Variants in PKIA observed in about 807,000 individuals in gnomAD.
PKIA encodes the protein cAMP-dependent protein kinase inhibitor alpha.
Under a neutral mutation model 7.6 loss-of-function variants are expected in PKIA, and 4 were observed. The ratio of observed to expected loss-of-function variants is 0.52; its 90% CI spans 0.26 to 1.20. PKIA has a LOEUF of 1.20. PKIA is among the 50% of genes most tolerant of loss of function. The pLI, the probability that PKIA is intolerant of heterozygous loss-of-function variation, is 0.13. For missense variants in PKIA, 73 were observed against 86.2 expected (o/e 0.85, Z 0.61); for synonymous variants, 21 against 30.7 (o/e 0.68, Z 1.04).
At chr8:78,549,099 C>G (rs1425780784) in intron 1 of PKIA, among the ~76,000 whole-genome samples, 2 of 151,954 alleles carry the variant, frequency 1.3e-5, no homozygotes, top group African/African-American at 2.4e-5. Context: ...TGTTTCCAAA[C>G]AAGAAAGCTG....
intron 2 of PKIA, among the ~76,000 whole-genome samples, chr8:78,597,894 G>C (rs1437120979): frequency 1.3e-5 from 2 of 151,928 alleles, no homozygotes; most frequent in Non-Finnish European, 2.9e-5. Flanking sequence ...ACGAGATCAT[G>C]TCTGTTGCAG....
intron 1 of PKIA, among the ~76,000 whole-genome samples, chr8:78,567,082 G>T (rs1199468847): frequency 6.6e-6 from 1 of 152,028 alleles, no homozygotes; most frequent in African/African-American, 2.4e-5. Flanking sequence ...TTTTTAAATA[G>T]ACTTTATATT....
At chr8:78,540,161 C>CT (rs1563571793) in intron 1 of PKIA, among the ~76,000 whole-genome samples, 1 of 151,150 alleles carries the variant, frequency 6.6e-6, no homozygotes, top group Non-Finnish European at 1.5e-5. Flanking sequence ...AAGGGTGTAA[C>CT]TTGCTTCCCT....
At chr8:78,536,691 G>T (rs548338009) in intron 1 of PKIA, among the ~76,000 whole-genome samples, 3 of 151,744 alleles carry the variant, frequency 2.0e-5, no homozygotes, top group Non-Finnish European at 2.9e-5. Context: ...TTGAACTTTG[G>T]GAAAGCATAT....
chr8:78,579,304 G>A (rs551796438), intron 2 of PKIA, among the ~76,000 whole-genome samples: 3 of 151,970 alleles, frequency 2.0e-5, no homozygotes, highest in Admixed American at 2.0e-4. Context: ...ATTTAAACCA[G>A]GTAACATTCC....
At chr8:78,589,210 G>A (rs900609602) in intron 2 of PKIA, among the ~76,000 whole-genome samples, 1 of 152,022 alleles carries the variant, frequency 6.6e-6, no homozygotes, top group African/African-American at 2.4e-5. Flanking sequence ...TCTCCACAAA[G>A]TTATTAGGTA....
chr8:78,520,481 T>C (rs1381853210), intron 1 of PKIA, among the ~76,000 whole-genome samples: 1 of 152,162 alleles, frequency 6.6e-6, no homozygotes, highest in East Asian at 1.9e-4. Flanking sequence ...TGGTATCTCA[T>C]TTGATGTTTA....
intron 2 of PKIA, among the ~76,000 whole-genome samples, chr8:78,579,996 C>T (rs1807768544): frequency 6.6e-6 from 1 of 152,000 alleles, no homozygotes; most frequent in South Asian, 2.1e-4. Flanking sequence ...CAGCAGATTA[C>T]ATGAATCCTG....
intron 1 of PKIA, chr8:78,556,710 T>C (rs1807147885): frequency 6.6e-6 from 1 of 152,142 alleles, no homozygotes; most frequent in Non-Finnish European, 1.5e-5. Context: ...ACATTTCTCA[T>C]GGATAATTTT....
intron 1 of PKIA, among the ~76,000 whole-genome samples, chr8:78,546,450 A>G (rs1806826607): frequency 1.3e-5 from 2 of 152,186 alleles, no homozygotes; most frequent in Non-Finnish European, 2.9e-5. Context: ...AGCTGCATTT[A>G]TCATAAATAG....
At chr8:78,570,159 G>T (rs1346178641) in intron 1 of PKIA, among the ~76,000 whole-genome samples, 3 of 152,012 alleles carry the variant, frequency 2.0e-5, no homozygotes, top group African/African-American at 7.2e-5. Flanking sequence ...AATGGCAAAA[G>T]ACATAAACGT....
chr8:78,517,181 A>T (rs1269117027), intron 1 of PKIA, among the ~76,000 whole-genome samples: 1 of 152,172 alleles, frequency 6.6e-6, no homozygotes, highest in Non-Finnish European at 1.5e-5. Flanking sequence ...GGTCCCAAAA[A>T]GGGCATTGCC....
intron 1 of PKIA, among the ~76,000 whole-genome samples, chr8:78,531,154 G>A (rs1046600835): frequency 6.6e-5 from 10 of 152,074 alleles, no homozygotes; most frequent in South Asian, 4.2e-4. Context: ...AATTTTCAGC[G>A]GAGTTTTTAC....
intron 1 of PKIA, among the ~76,000 whole-genome samples, chr8:78,565,313 G>A (rs926671849): frequency 4.0e-5 from 6 of 151,718 alleles, no homozygotes; most frequent in Admixed American, 3.9e-4. Flanking sequence ...GCCCTTCACA[G>A]GAACAGTAAT....
intron 1 of PKIA, among the ~76,000 whole-genome samples, chr8:78,522,963 CA>C (rs1263942659): frequency 2.0e-5 from 3 of 151,644 alleles, no homozygotes. Flanking sequence ...AGCTAAACTA[CA>C]AAATATTTGG....
chr8:78,581,554 G>A (rs201900677), intron 2 of PKIA, among the ~76,000 whole-genome samples: 3 of 152,184 alleles, frequency 2.0e-5, no homozygotes, highest in East Asian at 3.9e-4. Context: ...AGGATGTGGT[G>A]AGAATAGAGC....
intron 1 of PKIA, among the ~76,000 whole-genome samples, chr8:78,529,337 T>A (rs1224117299): frequency 6.6e-6 from 1 of 152,090 alleles, no homozygotes; most frequent in Admixed American, 6.6e-5. Context: ...ATTTTACCAA[T>A]TACTAACAAA....
chr8:78,599,100 T>G (rs545259315), intron 3 of PKIA, among the ~76,000 whole-genome samples: 3 of 152,176 alleles, frequency 2.0e-5, no homozygotes, highest in East Asian at 3.9e-4. Context: ...TTTGTCTCCT[T>G]ACTGGGCCTT....
rs553077481 is a variant in PKIA at position 78,589,273 on chromosome 8, T to A, written c.-27-9085T>A. ...AGATACAAATAAAATTTAAAGAGCA[T>A]ACAAAAAAAAGAAAGAAAGAAATTG... is the stretch of plus-strand genomic sequence containing the variant. On this transcript the variant is annotated intron_variant, in intron 2 of 3. Transcript: ENST00000396418. 4.7e-4 allele frequency among the ~76,000 whole-genome samples: 71 copies of A among 151,862 alleles called. 2 individuals carry two copies. The South Asian group carries it at 0.013, about 28-fold the overall frequency.
Sources: gnomAD v4.1 joint callset for allele counts (sites outside exome capture counted in the v4.1 genomes callset) on GRCh38, gnomAD v4.1.1 for gene constraint, MANE v1.5 for transcripts, NCBI Gene and HGNC (gene_info 2026-07-23, HGNC 2026-07-21) for gene names.